NR6A1: variants seen among roughly 807,000 people sequenced by gnomAD.
NR6A1 encodes retinoic acid receptor-related testis-associated receptor.
Under a neutral mutation model 59.1 loss-of-function variants are expected in NR6A1, and 7 were observed. That is an observed-to-expected ratio of 0.12 (90% CI 0.07 to 0.22). The LOEUF (loss-of-function observed/expected upper bound fraction) is 0.22, where lower values mean the gene tolerates loss of function less well. Ranked by LOEUF, NR6A1 falls within the 10% of genes least tolerant of loss-of-function variation. NR6A1 has a pLI of 1.00. For missense variants in NR6A1, 468 were observed against 611.6 expected (o/e 0.77, Z 2.48); for synonymous variants, 243 against 236.1 (o/e 1.03, Z -0.27).
chr9:124,594,651 A>G (rs912526827), intron 2 of NR6A1, among the ~76,000 whole-genome samples: 3 of 152,210 alleles, frequency 2.0e-5, no homozygotes, highest in African/African-American at 4.8e-5. Context: ...TTTTCTACAA[A>G]CTTTCTCTTG....
intron 2 of NR6A1, among the ~76,000 whole-genome samples, chr9:124,613,834 T>A (rs190868886): frequency 2.2e-3 from 331 of 152,252 alleles, no homozygotes; most frequent in Non-Finnish European, 2.8e-3. Context: ...TACAAAAACA[T>A]ATATTTAAAA....
chr9:124,610,673 T>C (rs1164712042), intron 2 of NR6A1, among the ~76,000 whole-genome samples: 7 of 152,194 alleles, frequency 4.6e-5, no homozygotes, highest in African/African-American at 1.4e-4. Context: ...TCAGAAGAAA[T>C]GGTACCAGCT....
intron 1 of NR6A1, among the ~76,000 whole-genome samples, chr9:124,756,638 C>A (rs1438614117): frequency 6.6e-6 from 1 of 152,114 alleles, no homozygotes; most frequent in Non-Finnish European, 1.5e-5. Flanking sequence ...TGCACAGGAT[C>A]AGGATAGAAA....
intron 1 of NR6A1, among the ~76,000 whole-genome samples, chr9:124,752,493 T>C (rs544170401): frequency 6.6e-6 from 1 of 152,272 alleles, no homozygotes; most frequent in East Asian, 1.9e-4. Flanking sequence ...TAATTATTAA[T>C]ATAAATTACA....
chr9:124,608,410 A>G (rs1207363965), intron 2 of NR6A1, among the ~76,000 whole-genome samples: 2 of 150,486 alleles, frequency 1.3e-5, no homozygotes, highest in Non-Finnish European at 3.0e-5. Context: ...TTCTGTTCCT[A>G]TGTTAGTTTG....
chr9:124,674,312 A>T (rs144972696), intron 2 of NR6A1, among the ~76,000 whole-genome samples: 132 of 152,342 alleles, frequency 8.7e-4, no homozygotes, highest in Middle Eastern at 3.4e-3. Flanking sequence ...TGGGAACTCC[A>T]TATCATTCAG....
At chr9:124,586,223 A>G (rs1297896122) in intron 2 of NR6A1, among the ~76,000 whole-genome samples, 1 of 152,188 alleles carries the variant, frequency 6.6e-6, no homozygotes, top group Non-Finnish European at 1.5e-5. Flanking sequence ...AACCTTCTGG[A>G]AAGGATTCAC....
chr9:124,541,787 C>A (rs941171398), intron 4 of NR6A1, among the ~76,000 whole-genome samples: 7 of 152,200 alleles, frequency 4.6e-5, no homozygotes, highest in African/African-American at 1.7e-4. Context: ...ATTTAAGTGT[C>A]TGATGACAGA....
chr9:124,680,727 C>T (rs1838124643), intron 2 of NR6A1, among the ~76,000 whole-genome samples: 1 of 152,188 alleles, frequency 6.6e-6, no homozygotes, highest in Admixed American at 6.5e-5. Flanking sequence ...AGTTTCCTAA[C>T]ATATGAACTC....
At chr9:124,674,651 A>G (rs975269323) in intron 2 of NR6A1, among the ~76,000 whole-genome samples, 3 of 152,218 alleles carry the variant, frequency 2.0e-5, no homozygotes, top group African/African-American at 7.2e-5. Context: ...CTGCACATCA[A>G]AGAAATGAAT....
chr9:124,761,189 A>C (rs1564271585), intron 1 of NR6A1, among the ~76,000 whole-genome samples: 1 of 152,264 alleles, frequency 6.6e-6, no homozygotes, highest in Non-Finnish European at 1.5e-5. Flanking sequence ...AAGAAATAAA[A>C]GAAAGGCTTG....
intron 3 of NR6A1, among the ~76,000 whole-genome samples, chr9:124,546,769 C>A (rs1833614202): frequency 6.6e-6 from 1 of 152,230 alleles, no homozygotes; most frequent in African/African-American, 2.4e-5. Context: ...TGCCACACTG[C>A]CTCTGTTAAA....
chr9:124,719,649 T>C (rs1359441088), intron 2 of NR6A1, among the ~76,000 whole-genome samples: 1 of 152,108 alleles, frequency 6.6e-6, no homozygotes, highest in African/African-American at 2.4e-5. Context: ...CTGAGCACAG[T>C]GGCTCACACC....
chr9:124,565,905 T>C (rs534115841), intron 2 of NR6A1, among the ~76,000 whole-genome samples: 1 of 152,354 alleles, frequency 6.6e-6, no homozygotes, highest in Non-Finnish European at 1.5e-5. Context: ...GAAAACGGCA[T>C]GTCACTATTA....
At chr9:124,748,567 GAACTT>G (rs896899099) in intron 1 of NR6A1, among the ~76,000 whole-genome samples, 9 of 152,122 alleles carry the variant, frequency 5.9e-5, no homozygotes, top group African/African-American at 1.9e-4. Flanking sequence ...GGGAACAAAA[GAACTT>G]AACTTAAGCC....
At chr9:124,604,538 G>A (rs575034175) in intron 2 of NR6A1, among the ~76,000 whole-genome samples, 1 of 152,360 alleles carries the variant, frequency 6.6e-6, no homozygotes, top group African/African-American at 2.4e-5. Context: ...ATAGGGCACA[G>A]TGGCTCACAC....
chr9:124,732,942 C>T (rs1243097912), intron 2 of NR6A1, among the ~76,000 whole-genome samples: 1 of 152,134 alleles, frequency 6.6e-6, no homozygotes, highest in African/African-American at 2.4e-5. Flanking sequence ...GGTGATCCAC[C>T]CGCCTCAGCC....
chr9:124,543,009 CAA>C (rs1371013278), intron 4 of NR6A1, among the ~76,000 whole-genome samples: 2 of 152,316 alleles, frequency 1.3e-5, no homozygotes, highest in Admixed American at 1.3e-4. Context: ...GCTGGCCCAA[CAA>C]AGACTTTTCC....
intron 2 of NR6A1, among the ~76,000 whole-genome samples, chr9:124,728,915 T>C (rs561480384): frequency 6.6e-6 from 1 of 152,314 alleles, no homozygotes; most frequent in Admixed American, 6.5e-5. Flanking sequence ...TATCCATCAC[T>C]GATTATTTGG....
Sources: allele counts gnomAD v4.1 joint callset (sites outside exome capture counted in the v4.1 genomes callset), GRCh38; gene constraint gnomAD v4.1.1; transcripts MANE v1.5; gene names NCBI Gene and HGNC (gene_info 2026-07-23, HGNC 2026-07-21).